ENG: variants seen among roughly 807,000 people sequenced by gnomAD.
The protein encoded by ENG is CD105 antigen.
Under a neutral mutation model 71.0 loss-of-function variants are expected in ENG, and 17 were observed. That is an observed-to-expected ratio of 0.24 (90% confidence interval 0.16 to 0.36). ENG has a LOEUF of 0.36. Among genes scored for constraint, ENG ranks in the 10% least tolerant of loss-of-function variants. The pLI is 1.00. For synonymous variants in ENG, 360 were observed against 366.9 expected (o/e 0.98, Z 0.21); for missense variants, 749 against 868.3 (o/e 0.86, Z 1.73).
At chr9:127,822,211 G>C (rs953337232) in intron 8 of ENG, 1 of 152,168 alleles carries the variant, frequency 6.6e-6, no homozygotes, top group African/African-American at 2.4e-5. Flanking sequence ...GGAGACTGAG[G>C]TTCTCATCAC....
chr9:127,841,635 TTTC>T (rs1168208609), intron 2 of ENG, among the ~76,000 whole-genome samples: 2 of 152,218 alleles, frequency 1.3e-5, no homozygotes, highest in Admixed American at 6.5e-5. Context: ...GTCTGAGCAC[TTTC>T]TTATCACTGC....
chr9:127,839,116 A>G (rs1830970143), intron 2 of ENG, among the ~76,000 whole-genome samples: 1 of 152,090 alleles, frequency 6.6e-6, no homozygotes, highest in Non-Finnish European at 1.5e-5. Flanking sequence ...GCTAGACACC[A>G]GGGGCCTTTT....
At chr9:127,835,997 G>A (rs1830893877) in intron 2 of ENG, among the ~76,000 whole-genome samples, 1 of 152,160 alleles carries the variant, frequency 6.6e-6, no homozygotes, top group African/African-American at 2.4e-5. Context: ...CTGGAAAGCT[G>A]GGTGCTCAGG....
At chr9:127,825,385 A>G in intron 5 of ENG, 28 bp from the exon 6 acceptor site, 6 of 1,606,614 alleles carry the variant, frequency 3.7e-6, no homozygotes, top group Non-Finnish European at 5.1e-6. Context: ...CGGATGGAAC[A>G]CTGAAGCGGA....
intron 11 of ENG, 41 bp downstream of exon 11, chr9:127,818,675 A>G: frequency 1.3e-6 from 2 of 1,595,916 alleles, no homozygotes; most frequent in Non-Finnish European, 1.7e-6. Context: ...AGGAAGTTCC[A>G]GGAGCTGGGA....
At chr9:127,844,114 T>A (rs940719665) in intron 1 of ENG, among the ~76,000 whole-genome samples, 11 of 149,464 alleles carry the variant, frequency 7.4e-5, no homozygotes, top group African/African-American at 2.5e-4. Context: ...AAAAATTATT[T>A]TTTATTATTT....
chr9:127,849,196 G>A (rs1448119701), intron 1 of ENG, among the ~76,000 whole-genome samples: 7 of 152,290 alleles, frequency 4.6e-5, no homozygotes, highest in East Asian at 1.9e-4. Flanking sequence ...ACACTAGCCC[G>A]TAGGGGAACG....
intron 14 of ENG, 30 bp downstream of exon 14, chr9:127,815,913 A>G (rs748422950): frequency 1.9e-6 from 3 of 1,582,920 alleles, no homozygotes; most frequent in Admixed American, 1.8e-5. Context: ...GGGGCCCGGC[A>G]TGCTCACTGT....
At position 127,817,195 on chromosome 9, in the gene ENG, A is replaced by G. The variant is rs750637713; in HGVS notation, c.1695T>C (p.His565=). The part of the protein sequence containing the change: ...PKTGSQDQEV[H]RTVFMRLNII... ...TGTTCAAGCGCATGAAGACAGTCCT[A>G]TGGACTTCCTGGAGGAGAAAGAGAG... Residue 565 remains histidine (H), a synonymous_variant, in exon 13 of 15, where the codon CAT becomes CAC. Transcript: ENST00000373203. 22 of 1,614,062 alleles carry G rather than the reference A, an allele frequency of 1.4e-5. No homozygotes were observed. In the East Asian group the frequency reaches 1.8e-4, roughly 13 times the overall value.
rs11545664 is a variant in ENG at position 127,843,106 on chromosome 9, C to T, written c.207G>A (p.Leu69=). 0.098 allele frequency: 157,489 copies of T among 1,613,932 alleles called. 9,051 individuals carry two copies. The highest frequency in any genetic ancestry group is 0.25 in the African/African-American group (18,442 of 74,988). The stretch of plus-strand genomic sequence containing the variant: ...ATGGGACACTCACCGTTGGGAACTC[C>T]AGGAAGAGGACATGGACTTCAAGGA... The part of the protein sequence containing the change: ...NAILEVHVLF[L]EFPTGPSQLE... Residue 69 remains leucine (L), a synonymous_variant, in exon 2 of 15, where the codon CTG becomes CTA. Transcript: ENST00000373203.
chr9:127,847,659 A>G (rs1273736680), intron 1 of ENG, among the ~76,000 whole-genome samples: 4 of 152,102 alleles, frequency 2.6e-5, no homozygotes, highest in Non-Finnish European at 5.9e-5. Context: ...CGTATTGCGC[A>G]GGCTGGTCTC....
In ENG at chr9:127,824,450, T is replaced by C. The variant is rs1316539915; in HGVS notation, c.992-4A>G. 1 of 1,591,102 alleles carries C rather than the reference T, an allele frequency of 6.3e-7. No individual in the cohort carries two copies. Among genetic ancestry groups the C allele is most frequent in the South Asian group, 1.1e-5 (1 of 90,656 alleles). On this transcript the variant is annotated splice_polypyrimidine_tract_variant and splice_region_variant and intron_variant, in intron 7 of 14. Transcript: ENST00000373203. ...GGTGAGGTCTGCAGCCTACCACCTG[T>C]GGGGTAGCAGAGGCAGGCCAGGCGG...
Position 127,824,977 on chromosome 9 carries a change from A to G in ENG, c.817-3T>C. Reference sequence around the variant, plus strand: ...TTGAAGGAGTATTCTCCAGTGGTCTAATGGTGGGGAGAGAGGCAGAACAGG... The same window carrying G: ...TTGAAGGAGTATTCTCCAGTGGTCTGATGGTGGGGAGAGAGGCAGAACAGG... On this transcript the variant is annotated splice_polypyrimidine_tract_variant and splice_region_variant and intron_variant, in intron 6 of 14. Transcript: ENST00000373203. 7 of 1,612,338 alleles carry G rather than the reference A, an allele frequency of 4.3e-6. No individual in the cohort carries two copies. Among genetic ancestry groups the G allele is most frequent in the Non-Finnish European group, 5.9e-6 (7 of 1,179,710 alleles).
intron 2 of ENG, among the ~76,000 whole-genome samples, chr9:127,837,817 A>ATCCATCCATC (rs1280692329): frequency 2.5e-5 from 2 of 80,928 alleles, no homozygotes; most frequent in African/African-American, 1.7e-4. Flanking sequence ...CATCCATCCA[A>ATCCATCCATC]CAGATATTGA....
intron 2 of ENG, chr9:127,841,175 A>G (rs1831021696): frequency 1.3e-5 from 2 of 152,348 alleles, no homozygotes; most frequent in Non-Finnish European, 2.9e-5. Flanking sequence ...CTTAGCTTCC[A>G]AGATCAGATG....
At chr9:127,851,605 G>C (rs1831287465) in intron 1 of ENG, among the ~76,000 whole-genome samples, 1 of 152,102 alleles carries the variant, frequency 6.6e-6, no homozygotes, top group African/African-American at 2.4e-5. Context: ...TCCCAGCCAG[G>C]CATGGTGGCT....
intron 12 of ENG, chr9:127,817,631 TG>T (rs1830359385): frequency 1.4e-5 from 5 of 356,178 alleles, no homozygotes; most frequent in Admixed American, 7.9e-5. Context: ...TGCAAGGGCC[TG>T]GGGGTGACTC....
chr9:127,825,543 G>A (rs1830590033), intron 5 of ENG, 152 bp downstream of exon 5: 1 of 1,237,922 alleles, frequency 8.1e-7, no homozygotes, highest in South Asian at 1.4e-5. Context: ...GCCTAGAGTA[G>A]GAGAAAGCGA....
intron 1 of ENG, among the ~76,000 whole-genome samples, 197 bp downstream of exon 1, chr9:127,854,092 G>A (rs756925569): frequency 5.9e-5 from 9 of 152,240 alleles, no homozygotes; most frequent in African/African-American, 1.7e-4. Context: ...CAGTTTGCCC[G>A]AGGCTTTCTT....
Sources: allele counts gnomAD v4.1 joint callset (sites outside exome capture counted in the v4.1 genomes callset), GRCh38; gene constraint gnomAD v4.1.1; transcripts MANE v1.5; gene names NCBI Gene and HGNC (gene_info 2026-07-23, HGNC 2026-07-21).